Variants in ZHX3 observed in about 807,000 individuals in gnomAD.
ZHX3 encodes the protein zinc fingers and homeoboxes protein 3.
A neutral mutation model predicts 64.5 loss-of-function variants in ZHX3; 20 were observed. The observed-to-expected ratio is 0.31, with a 90% confidence interval of 0.22 to 0.45. The LOEUF (loss-of-function observed/expected upper bound fraction) is 0.45, where lower values mean the gene tolerates loss of function less well. Among genes scored for constraint, ZHX3 ranks in the 20% least tolerant of loss-of-function variants. The probability of loss-of-function intolerance (pLI) is 1.00; values close to 1 mark genes in which losing one functional copy is unlikely to be tolerated. For synonymous variants in ZHX3, 423 were observed against 461.6 expected, an observed-to-expected ratio of 0.92 and a Z score of 1.07; for missense variants, 1,041 against 1,195.8, an observed-to-expected ratio of 0.87 and a Z score of 1.91.
rs541190576 is a variant in ZHX3 at position 41,282,858 on chromosome 20, C to T, written c.-244-13775G>A. 5.9e-5 allele frequency among the ~76,000 whole-genome samples: 9 copies of T among 152,328 alleles called. No individual in the cohort carries two copies. In the South Asian group the frequency reaches 1.7e-3, roughly 28 times the overall value. On this transcript the variant is annotated intron_variant, in intron 1 of 3. Transcript: ENST00000683867. The stretch of plus-strand genomic sequence containing the variant: ...CTAGAGACTGGTACACGTAATAACA[C>T]TAAAAATTCACTGCATAACCAAAGG...
chr20:41,262,723 G>T (rs1321280852), intron 2 of ZHX3, among the ~76,000 whole-genome samples: 1 of 152,148 alleles, frequency 6.6e-6, no homozygotes, highest in Non-Finnish European at 1.5e-5. Flanking sequence ...GACCTCAGTG[G>T]TTGTTAACTA....
At chr20:41,313,593 CTTT>C (rs58599783) in intron 1 of ZHX3, among the ~76,000 whole-genome samples, 4 of 103,778 alleles carry the variant, frequency 3.9e-5, no homozygotes, top group African/African-American at 1.2e-4. Context: ...ACTTTTAGGC[CTTT>C]TTTTTTTTTT....
At chr20:41,251,903 AATG>A (rs2042011702) in intron 2 of ZHX3, among the ~76,000 whole-genome samples, 1 of 152,204 alleles carries the variant, frequency 6.6e-6, no homozygotes, top group African/African-American at 2.4e-5. Flanking sequence ...ACCTAAAAGG[AATG>A]ATATCAAGAT....
At chr20:41,266,769 T>C (rs1339212444) in intron 2 of ZHX3, among the ~76,000 whole-genome samples, 5 of 151,264 alleles carry the variant, frequency 3.3e-5, no homozygotes, top group East Asian at 3.9e-4. Flanking sequence ...ATGGTCTCGA[T>C]CTCCTGACGT....
chr20:41,273,237 TGTTCA>T (rs2043229885), intron 1 of ZHX3, among the ~76,000 whole-genome samples: 1 of 152,162 alleles, frequency 6.6e-6, no homozygotes, highest in Admixed American at 6.5e-5. Flanking sequence ...TCTTTTCTGT[TGTTCA>T]GTTGTTAAGA....
intron 2 of ZHX3, among the ~76,000 whole-genome samples, chr20:41,216,240 C>T (rs2039525369): frequency 1.3e-5 from 2 of 152,072 alleles, no homozygotes; most frequent in African/African-American, 2.4e-5. Context: ...GGTAGCATTC[C>T]ACTATTTAGT....
intron 1 of ZHX3, among the ~76,000 whole-genome samples, chr20:41,306,108 A>T (rs1177366651): frequency 6.6e-6 from 1 of 152,184 alleles, no homozygotes; most frequent in Non-Finnish European, 1.5e-5. Context: ...GGTACCACCT[A>T]AGTAGCTGGT....
In ZHX3 at chr20:41,185,460, G is replaced by C; in HGVS notation, c.2861-259C>G. 3 of 577,604 alleles carry C rather than the reference G, an allele frequency of 5.2e-6. No homozygotes were observed. In the South Asian group the frequency reaches 6.9e-5, roughly 13 times the overall value. The allele number at this position is 577,604 out of a possible 1,614,324, so 35.8% of individuals were successfully genotyped here. ...TGCTAAACCCTAGGCCTAGCAGCAG[G>C]AGCAGTGGTTTGGCCTCTCCAGGCC... On this transcript the variant is annotated intron_variant, in intron 3 of 3. Transcript: ENST00000683867. The surrounding 1 kb of genome is among the most constrained non-coding windows in gnomAD (Gnocchi z 5.0).
intron 1 of ZHX3, among the ~76,000 whole-genome samples, chr20:41,273,986 G>A (rs532679985): frequency 2.0e-5 from 3 of 152,244 alleles, no homozygotes; most frequent in Admixed American, 2.0e-4. Flanking sequence ...ATTCTATGAT[G>A]TAATTTTAAG....
At chr20:41,299,456 A>G (rs981570194) in intron 1 of ZHX3, among the ~76,000 whole-genome samples, 3 of 152,250 alleles carry the variant, frequency 2.0e-5, no homozygotes, top group Non-Finnish European at 4.4e-5. Flanking sequence ...CACTGAGAAG[A>G]AAGTGATTCA....
chr20:41,229,443 G>A (rs1421270075), intron 2 of ZHX3, among the ~76,000 whole-genome samples: 1 of 152,084 alleles, frequency 6.6e-6, no homozygotes. Flanking sequence ...TAATCACATG[G>A]TGATTCTATT....
chr20:41,187,497 A>G (rs951453831), intron 3 of ZHX3, among the ~76,000 whole-genome samples: 1 of 152,154 alleles, frequency 6.6e-6, no homozygotes, highest in Non-Finnish European at 1.5e-5. Context: ...TTGCATGTAT[A>G]TATCCAGTTT....
Position 41,203,602 on chromosome 20 carries a change from T to C in ZHX3, c.1315A>G (p.Thr439Ala), listed in dbSNP as rs35600883. 357 of 1,614,214 alleles carry C rather than the reference T, an allele frequency of 2.2e-4. No individual in the cohort carries two copies. In the African/African-American group the frequency reaches 3.9e-3, roughly 18 times the overall value. Residue 439 changes from threonine to alanine, a missense_variant, in exon 3 of 4, where the codon ACA (threonine) becomes GCA (alanine). Transcript: ENST00000683867. This position sits in a 1 kb window ranked among gnomAD's most constrained non-coding sequence, Gnocchi z 7.1. ...ACCGTGAGGGGGAGAGGGGAACTTG[T>C]TGCTTGCAACCCATTGGCCATCAAT... Reference protein sequence around the residue: ...QPLMANGLQATSSPLPLTVTS... With the variant: ...QPLMANGLQAASSPLPLTVTS...
chr20:41,212,781 G>A lies in ZHX3; in HGVS notation c.-150-7715C>T, dbSNP rs2039255425. Among the ~76,000 whole-genome samples, 1 of 149,350 alleles carries A rather than the reference G, an allele frequency of 6.7e-6. No homozygotes were observed. Among genetic ancestry groups the A allele is most frequent in the Non-Finnish European group, 1.5e-5 (1 of 67,496 alleles). ...CATTGTACTCCAGCCTGGGCAACAA[G>A]AGCTAAACTGTGTCTCAAAAAAAAA... On this transcript the variant is annotated intron_variant, in intron 2 of 3. Transcript: ENST00000683867. The surrounding 1 kb of genome is among the most constrained non-coding windows in gnomAD (Gnocchi z 4.3).
In ZHX3 at chr20:41,219,897, C is replaced by T. The variant is rs567202002; in HGVS notation, c.-150-14831G>A. 7.2e-5 allele frequency among the ~76,000 whole-genome samples: 11 copies of T among 152,326 alleles called. No individual in the cohort carries two copies. Among genetic ancestry groups the T allele is most frequent in the East Asian group, 1.9e-4 (1 of 5,186 alleles). ...CTGCAACTGGTTATGTTCCAGATGG[C>T]GGCTACTCTATCAGCCTGAGTCCTA... On this transcript the variant is annotated intron_variant, in intron 2 of 3. Coordinates refer to ENST00000683867, the MANE Select transcript of ZHX3 (RefSeq NM_001384317.1). The surrounding 1 kb of genome is among the most constrained non-coding windows in gnomAD (Gnocchi z 5.0).
At chr20:41,222,220 GAA>G (rs2039991288) in intron 2 of ZHX3, among the ~76,000 whole-genome samples, 1 of 152,198 alleles carries the variant, frequency 6.6e-6, no homozygotes, top group Non-Finnish European at 1.5e-5. Flanking sequence ...AAGTAAAGCC[GAA>G]AAGACTTCCT....
chr20:41,198,484 T>G (rs1200854268), intron 3 of ZHX3, among the ~76,000 whole-genome samples: 4 of 144,594 alleles, frequency 2.8e-5, no homozygotes, highest in Non-Finnish European at 4.6e-5. Flanking sequence ...GGTTTAGAGG[T>G]TTTTTTTTTT....
intron 2 of ZHX3, among the ~76,000 whole-genome samples, chr20:41,248,725 G>A (rs1201156392): frequency 6.6e-6 from 1 of 152,162 alleles, no homozygotes; most frequent in Non-Finnish European, 1.5e-5. Flanking sequence ...ATGAATGTGG[G>A]CAATCGCTTT....
At chr20:41,272,799 T>G (rs2043206303) in intron 1 of ZHX3, among the ~76,000 whole-genome samples, 2 of 152,188 alleles carry the variant, frequency 1.3e-5, no homozygotes, top group Admixed American at 1.3e-4. Flanking sequence ...TTGGGTTGTT[T>G]CCATCTTTTG....
Sources: gnomAD v4.1 joint callset for allele counts (sites outside exome capture counted in the v4.1 genomes callset) on GRCh38, gnomAD v4.1.1 for gene constraint, Gnocchi (gnomAD v3.1) non-coding constraint, MANE v1.5 for transcripts, NCBI Gene and HGNC (gene_info 2026-07-23, HGNC 2026-07-21) for gene names.